ADAMTS12: variants seen among roughly 807,000 people sequenced by gnomAD.
ADAMTS12 encodes the protein ADAM metallopeptidase with thrombospondin type 1 motif 12, also known as A disintegrin and metalloproteinase with thrombospondin motifs 12.
A neutral mutation model predicts 167.8 loss-of-function variants in ADAMTS12; 118 were observed. The ratio of observed to expected loss-of-function variants is 0.70; its 90% CI spans 0.61 to 0.82. The LOEUF is 0.82. ADAMTS12 is among the 40% of genes least tolerant of loss of function. ADAMTS12 has a pLI of 0.00. For missense variants in ADAMTS12, 1,916 were observed against 1,998.8 expected (o/e 0.96, Z 0.79); for synonymous variants, 704 against 716.9 (o/e 0.98, Z 0.29).
intron 2 of ADAMTS12, among the ~76,000 whole-genome samples, chr5:33,849,644 CATAGCAATATAT>C (rs1749137535): frequency 1.8e-5 from 2 of 112,066 alleles, no homozygotes; most frequent in South Asian, 6.1e-4. Flanking sequence ...ATATGTATTG[CATAGCAATATAT>C]AGTATCTATA....
At chr5:33,757,260 G>A (rs1332695096) in intron 2 of ADAMTS12, among the ~76,000 whole-genome samples, 1 of 152,206 alleles carries the variant, frequency 6.6e-6, no homozygotes, top group Non-Finnish European at 1.5e-5. Context: ...CCCGTGCACT[G>A]CACACAGGCT....
At chr5:33,727,219 G>GTCGA (rs1057043274) in intron 3 of ADAMTS12, among the ~76,000 whole-genome samples, 6 of 149,244 alleles carry the variant, frequency 4.0e-5, no homozygotes, top group Middle Eastern at 3.5e-3. Context: ...GTGTGTCTGG[G>GTCGA]TCGAGGTCAA....
Position 33,645,735 on chromosome 5 carries a change from G to C in ADAMTS12, c.1480-2265C>G, listed in dbSNP as rs142459663. Among the ~76,000 whole-genome samples, 5 of 152,222 alleles carry C rather than the reference G, an allele frequency of 3.3e-5. No individual in the cohort carries two copies. The East Asian group carries it at 7.7e-4, about 24-fold the overall frequency. On this transcript the variant is annotated intron_variant, in intron 9 of 23. Coordinates refer to ENST00000504830, the MANE Select transcript of ADAMTS12 (RefSeq NM_030955.4). ...AATAAAAAGTTATAACATGGATAAT[G>C]CTACATTTTCTGGTATTTTAGGGTG... is the stretch of plus-strand genomic sequence containing the variant.
At chr5:33,540,850 A>G (rs1744659534) in intron 22 of ADAMTS12, among the ~76,000 whole-genome samples, 1 of 152,262 alleles carries the variant, frequency 6.6e-6, no homozygotes, top group Admixed American at 6.5e-5. Flanking sequence ...TCAAAGACCA[A>G]AATAGGTAAA....
intron 10 of ADAMTS12, 59 bp from the exon 11 acceptor site, chr5:33,642,014 C>G: frequency 6.6e-7 from 1 of 1,509,284 alleles, no homozygotes; most frequent in Non-Finnish European, 8.9e-7. Context: ...GCAAGCTGAG[C>G]CAAGAGCCCT....
intron 2 of ADAMTS12, among the ~76,000 whole-genome samples, chr5:33,823,841 G>C (rs563075974): frequency 6.6e-6 from 1 of 152,230 alleles, no homozygotes; most frequent in East Asian, 1.9e-4. Flanking sequence ...TGAGACAGGG[G>C]TCTCGTTTTT....
intron 3 of ADAMTS12, among the ~76,000 whole-genome samples, chr5:33,700,198 G>A (rs542099218): frequency 6.6e-6 from 1 of 152,212 alleles, no homozygotes; most frequent in East Asian, 1.9e-4. Flanking sequence ...TTTTACTCTT[G>A]GGCATTTATC....
chr5:33,555,589 CCTACAA>C (rs1003965582), intron 20 of ADAMTS12, among the ~76,000 whole-genome samples: 3 of 152,128 alleles, frequency 2.0e-5, no homozygotes, highest in Non-Finnish European at 2.9e-5. Flanking sequence ...CGGCATGTGT[CCTACAA>C]CTGATATACG....
chr5:33,883,862 T>C (rs1750546877), intron 1 of ADAMTS12, among the ~76,000 whole-genome samples: 1 of 152,172 alleles, frequency 6.6e-6, no homozygotes, highest in South Asian at 2.1e-4. Flanking sequence ...AAATGTCTGC[T>C]CCAATCTGTA....
At chr5:33,687,421 G>A (rs887791021) in intron 3 of ADAMTS12, among the ~76,000 whole-genome samples, 1 of 152,236 alleles carries the variant, frequency 6.6e-6, no homozygotes, top group Non-Finnish European at 1.5e-5. Flanking sequence ...GTAAATGACA[G>A]ATTCAGCCAT....
At chr5:33,698,106 T>G (rs1028211479) in intron 3 of ADAMTS12, among the ~76,000 whole-genome samples, 1 of 152,158 alleles carries the variant, frequency 6.6e-6, no homozygotes, top group African/African-American at 2.4e-5. Context: ...AACAAAGGTG[T>G]GGAGAGAAGA....
intron 2 of ADAMTS12, among the ~76,000 whole-genome samples, chr5:33,803,578 T>C (rs182387614): frequency 1.2e-4 from 18 of 152,300 alleles, no homozygotes; most frequent in African/African-American, 4.3e-4. Flanking sequence ...GGAGGTCAGA[T>C]GAAGAGTGAG....
At chr5:33,747,492 T>G (rs1156814287) in intron 3 of ADAMTS12, among the ~76,000 whole-genome samples, 1 of 152,214 alleles carries the variant, frequency 6.6e-6, no homozygotes, top group Non-Finnish European at 1.5e-5. Flanking sequence ...GTTAAAGTCA[T>G]AGATGTATTT....
At position 33,874,023 on chromosome 5, in the gene ADAMTS12, C is replaced by T. The variant is rs529708749; in HGVS notation, c.489+7096G>A. On this transcript the variant is annotated intron_variant, in intron 2 of 23. Coordinates refer to ENST00000504830, the MANE Select transcript of ADAMTS12 (RefSeq NM_030955.4). ...TAGATAACCTTGTTTTTTTCAATGACTGTTTAGATACAACATCAAAGGAAT... is the reference window on the plus strand; with the variant it reads ...TAGATAACCTTGTTTTTTTCAATGATTGTTTAGATACAACATCAAAGGAAT... 1.9e-3 allele frequency among the ~76,000 whole-genome samples: 290 copies of T among 152,040 alleles called. 1 individual carries two copies. The highest frequency in any genetic ancestry group is 6.8e-3 in the Middle Eastern group (2 of 294).
chr5:33,645,144 T>TTTATTATTA (rs145012036), intron 9 of ADAMTS12, among the ~76,000 whole-genome samples: 582 of 146,080 alleles, frequency 4.0e-3, no homozygotes, highest in Middle Eastern at 7.1e-3. Context: ...AAATGCTTTA[T>TTTATTATTA]TTATTATTAT....
In ADAMTS12 at chr5:33,576,573, T is replaced by C. The variant is rs1746731100; in HGVS notation, c.3453A>G (p.Pro1151=). Residue 1151 remains proline (P), a synonymous_variant, in exon 19 of 24, where the codon CCA becomes CCG. Coordinates refer to ENST00000504830, the MANE Select transcript of ADAMTS12 (RefSeq NM_030955.4). ...CTGAGCCACTGTGAATCTCCATTTC[T>C]GGACCTTTGGTCAAGGTATTGTAAA... ...TPFYNTLTKG[P]EMEIHSGSGE... The C allele has an allele frequency of 6.2e-6, 10 of 1,614,226 alleles. No homozygotes were observed. The highest frequency in any genetic ancestry group is 7.6e-6 in the Non-Finnish European group (9 of 1,180,030).
chr5:33,600,585 T>C (rs1738139156), intron 16 of ADAMTS12, among the ~76,000 whole-genome samples: 2 of 152,210 alleles, frequency 1.3e-5, no homozygotes, highest in African/African-American at 4.8e-5. Context: ...ATGTATAAAC[T>C]TAAGATTAGA....
chr5:33,835,603 T>G (rs757487132), intron 2 of ADAMTS12, among the ~76,000 whole-genome samples: 5 of 152,206 alleles, frequency 3.3e-5, no homozygotes, highest in Non-Finnish European at 7.3e-5. Flanking sequence ...AAGAACTAAC[T>G]AGCTCGCTGC....
At chr5:33,593,038 A>G (rs1187577583) in intron 17 of ADAMTS12, among the ~76,000 whole-genome samples, 1 of 152,208 alleles carries the variant, frequency 6.6e-6, no homozygotes, top group Non-Finnish European at 1.5e-5. Flanking sequence ...GCACTTGGGG[A>G]GGCTAAGGCG....
Sources: gnomAD v4.1 joint callset for allele counts (sites outside exome capture counted in the v4.1 genomes callset) on GRCh38, gnomAD v4.1.1 for gene constraint, MANE v1.5 for transcripts, NCBI Gene and HGNC (gene_info 2026-07-23, HGNC 2026-07-21) for gene names.